The following TTLL3 variants were observed in gnomAD, a reference collection of about 807,000 sequenced individuals.
TTLL3 encodes the protein tubulin monoglycylase TTLL3.
In TTLL3, 63 loss-of-function variants were observed where a neutral mutation model predicts 75.2. The ratio of observed to expected loss-of-function variants is 0.84; its 90% CI spans 0.68 to 1.03. The LOEUF (loss-of-function observed/expected upper bound fraction) is 1.03, where lower values mean the gene tolerates loss of function less well. TTLL3 is among the 50% of genes least tolerant of loss of function. The pLI, the probability that TTLL3 is intolerant of heterozygous loss-of-function variation, is 0.00. For missense variants in TTLL3, 997 were observed against 1,069.9 expected (o/e 0.93, Z 0.95); for synonymous variants, 393 against 418.5 (o/e 0.94, Z 0.74).
At chr3:9,833,860 A>G (rs1322060303) in intron 12 of TTLL3, among the ~76,000 whole-genome samples, 1 of 151,626 alleles carries the variant, frequency 6.6e-6, no homozygotes, top group Non-Finnish European at 1.5e-5. Context: ...GACACAAAAA[A>G]AGCACTTTGG....
rs1363926750 is a variant in TTLL3, at chr3:9,834,733, T to C, written c.1878T>C (p.His626=). ...CCAAGGCCCAGCTGCCTTCTCCCCA[T>C]GTACTCCGACACCAGGGCCAGGTCC... is the stretch of plus-strand genomic sequence containing the variant. ...LHTKAQLPSP[H]VLRHQGQVLR... is the part of the protein sequence containing the mutation. Residue 626 remains histidine, a synonymous_variant, in exon 13 of 14, where the codon CAT becomes CAC. Transcript: ENST00000685419. 4 of 1,614,166 alleles carry C rather than the reference T, an allele frequency of 2.5e-6. No homozygotes were observed. The highest frequency in any genetic ancestry group is 3.4e-6 in the Non-Finnish European group (4 of 1,180,038).
chr3:9,835,704 C>A lies in TTLL3; in HGVS notation c.*215C>A. On this transcript the variant is annotated 3_prime_UTR_variant, in exon 14 of 14. Coordinates refer to ENST00000685419, the MANE Select transcript of TTLL3 (RefSeq NM_001387446.1). ...TCGACGCAGGGACATATTGCCAGAACTGCCGAGCACTGGGAGCCCCCCAAC... is the reference window on the plus strand; with the variant it reads ...TCGACGCAGGGACATATTGCCAGAAATGCCGAGCACTGGGAGCCCCCCAAC... The A allele has an allele frequency of 1.9e-6, 1 of 518,492 alleles. No homozygotes were observed. The allele number at this position is 518,492 out of a possible 1,614,324, so 32.1% of individuals were successfully genotyped here.
chr3:9,828,925 G>C (rs748112568), intron 10 of TTLL3, 35 bp from the exon 11 acceptor site: 7 of 1,606,588 alleles, frequency 4.4e-6, no homozygotes, highest in Non-Finnish European at 6.0e-6. Context: ...AGAGACACAA[G>C]GGCCTGGACC....
Position 9,833,251 on chromosome 3 carries a change from G to A in TTLL3, c.1825+6G>A. 6.2e-7 allele frequency: 1 copy of A among 1,613,698 alleles called. No homozygotes were observed. On this transcript the variant is annotated splice_donor_region_variant and intron_variant, in intron 12 of 13. Coordinates refer to ENST00000685419, the MANE Select transcript of TTLL3 (RefSeq NM_001387446.1). ...CCAGCGAGGCTCTGGGGAAGGCAAGGACTCGGGGACCCCTACCCACAGGTC... is the reference window on the plus strand; with the variant it reads ...CCAGCGAGGCTCTGGGGAAGGCAAGAACTCGGGGACCCCTACCCACAGGTC...
chr3:9,816,030 A>G (rs1244191725), intron 4 of TTLL3, 44 bp from the exon 5 acceptor site: 6 of 1,326,082 alleles, frequency 4.5e-6, no homozygotes, highest in Non-Finnish European at 6.0e-6. Context: ...AGGCCCTGCT[A>G]CCCACACTGG....
chr3:9,827,476 C>T (rs2081154172), intron 10 of TTLL3: 2 of 615,176 alleles, frequency 3.3e-6, no homozygotes, highest in African/African-American at 1.9e-5. Context: ...GGTCACGGCT[C>T]ACTGTAGCCT....
intron 8 of TTLL3, among the ~76,000 whole-genome samples, chr3:9,823,189 C>A (rs2080652498): frequency 6.6e-6 from 1 of 151,996 alleles, no homozygotes; most frequent in Non-Finnish European, 1.5e-5. Flanking sequence ...CGAGACCATC[C>A]TGGCTAACAT....
At position 9,835,105 on chromosome 3, in the gene TTLL3, C is replaced by G; in HGVS notation, c.2064C>G (p.Leu688=). 1 of 1,610,588 alleles carries G rather than the reference C, an allele frequency of 6.2e-7. No individual in the cohort carries two copies. The highest frequency in any genetic ancestry group is 8.5e-7 in the Non-Finnish European group (1 of 1,177,840). The change falls in exon 14 of 14, where the codon CTC becomes CTG. Residue 688 remains leucine (L), a synonymous_variant. Transcript: ENST00000685419. The part of the protein sequence containing the change: ...SILKPRKAPA[L]LCLRGPQLEV... ...CCTTTCACACCGAGGCTCCTGCTCT[C>G]CTGTGCCTCCGAGGCCCCCAGCTGG...
chr3:9,815,579 C>T (rs2079768554), intron 4 of TTLL3, among the ~76,000 whole-genome samples: 1 of 152,228 alleles, frequency 6.6e-6, no homozygotes, highest in Non-Finnish European at 1.5e-5. Context: ...TGTCCTGCCC[C>T]TGGGCAAGTC....
At chr3:9,815,603 G>C (rs2079771216) in intron 4 of TTLL3, among the ~76,000 whole-genome samples, 2 of 152,226 alleles carry the variant, frequency 1.3e-5, no homozygotes, top group South Asian at 4.1e-4. Flanking sequence ...GATGACCATG[G>C]GCCAGAACAA....
At chr3:9,810,261 C>T, upstream of TTLL3, 1 of 1,507,764 alleles carries the variant, frequency 6.6e-7, no homozygotes, top group Non-Finnish European at 8.8e-7. This position sits in a 1 kb window ranked among gnomAD's most constrained non-coding sequence, Gnocchi z 4.4. Context: ...GCCAGGCGGG[C>T]AGCCCCGCCC....
intron 6 of TTLL3, chr3:9,818,283 C>G (rs1444159018): frequency 6.1e-6 from 1 of 164,814 alleles, no homozygotes; most frequent in East Asian, 1.7e-4. Context: ...ACAAATCAGA[C>G]AATGGGTCCA....
chr3:9,832,044 G>A (rs1480612654), intron 11 of TTLL3, among the ~76,000 whole-genome samples: 1 of 147,308 alleles, frequency 6.8e-6, no homozygotes, highest in African/African-American at 2.5e-5. Flanking sequence ...GCCTGTCTTG[G>A]CCTCCCAGAG....
At position 9,825,901 on chromosome 3, in the gene TTLL3, A is replaced by G. The variant is rs781404408; in HGVS notation, c.956A>G (p.Asp319Gly). Residue 319 changes from aspartate (D) to glycine (G), a missense_variant, in exon 9 of 14, where the codon GAT becomes GGT. Asp to Gly is a moderately conservative substitution (Grantham distance 94, BLOSUM62 -1). Transcript: ENST00000685419. ...AVVPQIDMEGDRNIWIVKPGA... is the reference protein window; with the variant it reads ...AVVPQIDMEGGRNIWIVKPGA... ...GTACCCCAGATAGACATGGAAGGGG[A>G]TCGCAACATCTGGATCGTGAAGCCA... 2.3e-5 allele frequency: 37 copies of G among 1,614,074 alleles called. No individual in the cohort carries two copies. The South Asian group carries it at 2.3e-4, about 10-fold the overall frequency.
Position 9,827,018 on chromosome 3 carries a change from T to C in TTLL3, c.1025T>C (p.Leu342Pro). ...RGRGIMCMDH[L>P]EEMLKLVNGN... ...GTAGGCATCATGTGCATGGACCACCTGGAGGAGATGCTGAAGCTGGTGAAC... is the reference window on the plus strand; with the variant it reads ...GTAGGCATCATGTGCATGGACCACCCGGAGGAGATGCTGAAGCTGGTGAAC... Residue 342 changes from leucine to proline, a missense_variant, in exon 10 of 14, where the codon CTG becomes CCG. Transcript: ENST00000685419. 6.2e-7 allele frequency: 1 copy of C among 1,614,120 alleles called. No individual in the cohort carries two copies. Among genetic ancestry groups the C allele is most frequent in the Non-Finnish European group, 8.5e-7 (1 of 1,180,030 alleles).
rs2081946799 is a variant in TTLL3, at chr3:9,834,914, C to T, written c.2052+7C>T. The T allele has an allele frequency of 6.2e-7, 1 of 1,614,200 alleles. No individual in the cohort carries two copies. Among genetic ancestry groups the T allele is most frequent in the Non-Finnish European group, 8.5e-7 (1 of 1,180,026 alleles). On this transcript the variant is annotated splice_region_variant and intron_variant, in intron 13 of 13. Coordinates refer to ENST00000685419, the MANE Select transcript of TTLL3 (RefSeq NM_001387446.1). ...CATCCTGAAGCCAAGAAAGGTGGGC[C>T]TCGACCTGTGACTCACACCCAGTGG...
chr3:9,830,594 A>G lies in TTLL3; in HGVS notation c.1683+1199A>G, dbSNP rs542403743. On this transcript the variant is annotated intron_variant, in intron 11 of 13. Coordinates refer to ENST00000685419, the MANE Select transcript of TTLL3 (RefSeq NM_001387446.1). ...TTGGCGTTTTGGTTTCAAAAAATGT[A>G]AACGGGGAAATACATGGGCAGGAAA... 1.1e-3 allele frequency among the ~76,000 whole-genome samples: 174 copies of G among 152,308 alleles called. 6 individuals are homozygous for G. In the South Asian group the frequency reaches 0.035, roughly 31 times the overall value.
intron 10 of TTLL3, 112 bp from the exon 11 acceptor site, chr3:9,828,848 G>T: frequency 7.2e-7 from 1 of 1,388,404 alleles, no homozygotes; most frequent in Non-Finnish European, 9.8e-7. Flanking sequence ...CCCATCTCAA[G>T]TTGAATAGTG....
At position 9,829,168 on chromosome 3, in the gene TTLL3, G is replaced by A. The variant is rs776761751; in HGVS notation, c.1456G>A (p.Val486Met). ...CGCACTTCAGACCTCCCAGGACACCGTGCAGTGTCGGAAGGCCAGCTTTGA... is the reference window on the plus strand; with the variant it reads ...CGCACTTCAGACCTCCCAGGACACCATGCAGTGTCGGAAGGCCAGCTTTGA... Reference protein sequence around the residue: ...IHALQTSQDTVQCRKASFELY... With the variant: ...IHALQTSQDTMQCRKASFELY... The change falls in exon 11 of 14, where the codon GTG (valine) becomes ATG (methionine). Residue 486 changes from valine to methionine, a missense_variant. Physicochemically the swap from Val to Met is conservative, Grantham distance 21. Transcript: ENST00000685419. The A allele has an allele frequency of 5.4e-5, 87 of 1,614,106 alleles. No individual in the cohort carries two copies. Among genetic ancestry groups the A allele is most frequent in the Non-Finnish European group, 6.6e-5 (78 of 1,180,042 alleles).
Sources: allele counts gnomAD v4.1 joint callset (sites outside exome capture counted in the v4.1 genomes callset), GRCh38; gene constraint gnomAD v4.1.1; non-coding constraint Gnocchi (gnomAD v3.1); transcripts MANE v1.5; gene names NCBI Gene and HGNC (gene_info 2026-07-23, HGNC 2026-07-21).